Variants in DPH7 observed in about 807,000 individuals in gnomAD.
DPH7 encodes the protein diphthine methyltransferase.
DPH7 carries 44 observed loss-of-function variants against 41.7 expected under a neutral mutation model. The ratio of observed to expected loss-of-function variants is 1.05; its 90% CI spans 0.83 to 1.36. The LOEUF (loss-of-function observed/expected upper bound fraction) is 1.36, where lower values mean the gene tolerates loss of function less well. Ranked by LOEUF, DPH7 falls within the 40% of genes most tolerant of loss-of-function variation. DPH7 has a pLI of 0.00. For synonymous variants in DPH7, 275 were observed against 238.0 expected (o/e 1.16, Z -1.43); for missense variants, 629 against 577.5 (o/e 1.09, Z -0.91).
At chr9:137,575,355 T>G in intron 3 of DPH7, 3 of 988,358 alleles carry the variant, frequency 3.0e-6, no homozygotes, top group Admixed American at 6.0e-5. Flanking sequence ...GCCTGGCCAG[T>G]GCTTAACTCC....
chr9:137,577,053 C>CAAAA (rs71493678), intron 2 of DPH7, among the ~76,000 whole-genome samples: 7 of 139,286 alleles, frequency 5.0e-5, no homozygotes, highest in Non-Finnish European at 7.8e-5. Flanking sequence ...AACCCTGCCT[C>CAAAA]AAAAAAAAAA....
chr9:137,569,198 C>A (rs1184390474), intron 5 of DPH7, among the ~76,000 whole-genome samples: 1 of 151,960 alleles, frequency 6.6e-6, no homozygotes, highest in Non-Finnish European at 1.5e-5. Flanking sequence ...ACCACATCAC[C>A]CACCCCTGCA....
chr9:137,561,034 A>AAGAAAAG (rs1554792988), intron 8 of DPH7, among the ~76,000 whole-genome samples: 1,749 of 129,546 alleles, frequency 0.014, 41 homozygotes, highest in African/African-American at 0.051. Flanking sequence ...AAAAAAAAAA[A>AAGAAAAG]AAAAAAAGAA....
chr9:137,564,848 C>T, intron 7 of DPH7, 45 bp downstream of exon 7: 1 of 1,564,440 alleles, frequency 6.4e-7, no homozygotes, highest in Non-Finnish European at 8.7e-7. Context: ...CCCCCGGGGA[C>T]AGCGAAAGAG....
intron 8 of DPH7, among the ~76,000 whole-genome samples, chr9:137,564,176 T>C (rs1839128648): frequency 6.7e-6 from 1 of 149,244 alleles, no homozygotes; most frequent in South Asian, 2.1e-4. Context: ...GGGTCAGAGG[T>C]CTGCCGAAAT....
chr9:137,577,641 G>C (rs1841655308), intron 1 of DPH7, 38 bp from the exon 2 acceptor site: 1 of 1,602,300 alleles, frequency 6.2e-7, no homozygotes, highest in African/African-American at 1.3e-5. Flanking sequence ...ATTATCCCAA[G>C]ACACGAAGGA....
In DPH7 at chr9:137,574,755, C is replaced by A; in HGVS notation, c.464G>T (p.Gly155Val). The A allele has an allele frequency of 6.2e-7, 1 of 1,613,972 alleles. No homozygotes were observed. The highest frequency in any genetic ancestry group is 8.5e-7 in the Non-Finnish European group (1 of 1,179,980). Residue 155 changes from glycine to valine, a missense_variant, in exon 4 of 9, where the codon GGA becomes GTA. By Grantham distance (109) the Gly-to-Val change is moderately radical (BLOSUM62 -3). Coordinates refer to ENST00000277540, the MANE Select transcript of DPH7 (RefSeq NM_138778.5). Reference protein sequence around the residue: ...LSLDWSTGKTGRAGDQPLKII... With the variant: ...LSLDWSTGKTVRAGDQPLKII... ...CCTGACCAAGCCTGGCCCTTACCTT[C>A]CAGTTTTCCCAGTGGACCAATCTAG...
chr9:137,558,796 G>A (rs1415445213), intron 8 of DPH7, among the ~76,000 whole-genome samples: 2 of 152,102 alleles, frequency 1.3e-5, no homozygotes, highest in Non-Finnish European at 2.9e-5. Flanking sequence ...GCGCAGTGGC[G>A]TGATCTCGGC....
At position 137,578,823 on chromosome 9, in the gene DPH7, G is replaced by A. The variant is rs1342705850; in HGVS notation, c.-46C>T. The A allele has an allele frequency of 7.2e-7, 1 of 1,386,396 alleles. No homozygotes were observed. Among genetic ancestry groups the A allele is most frequent in the Admixed American group, 3.5e-5 (1 of 28,544 alleles). 85.9% of individuals were successfully genotyped at this position (1,386,396 alleles called of 1,614,324 possible). On this transcript the variant is annotated 5_prime_UTR_variant, in exon 1 of 9. Transcript: ENST00000277540. Reference sequence around the variant, plus strand: ...CGGAGCCGGCAGTAGAGGCGGGTCGGCGGGGCCGGGCTGGGTACTGCGCGG... The same window carrying A: ...CGGAGCCGGCAGTAGAGGCGGGTCGACGGGGCCGGGCTGGGTACTGCGCGG...
intron 1 of DPH7, 115 bp from the exon 2 acceptor site, chr9:137,577,718 T>C: frequency 1.5e-6 from 2 of 1,346,392 alleles, no homozygotes; most frequent in Non-Finnish European, 2.0e-6. Context: ...AGTGGAATTC[T>C]GCCTGGAAGG....
At chr9:137,572,758 A>C (rs540761433) in intron 5 of DPH7, among the ~76,000 whole-genome samples, 2 of 152,188 alleles carry the variant, frequency 1.3e-5, no homozygotes, top group Non-Finnish European at 2.9e-5. Flanking sequence ...GCATGCCCCA[A>C]ATGCAAACCA....
At chr9:137,565,180 C>T (rs747931939) in intron 5 of DPH7, 26 bp from the exon 6 acceptor site, 1 of 1,612,254 alleles carries the variant, frequency 6.2e-7, no homozygotes, top group East Asian at 2.2e-5. Flanking sequence ...GAAGCATCAA[C>T]ACCACTAATG....
Position 137,555,635 on chromosome 9 carries a change from C to G in DPH7, c.963G>C (p.Glu321Asp). ...NCQKAMEERQ[E>D]ATVLTSHTLP... ...ATGTGTGAGATGTCAGGACCGTCGC[C>G]TCCTGCCTCTCCTCTGGAGTGAGAG... The change falls in exon 9 of 9, where the codon GAG becomes GAC. Residue 321 changes from glutamate to aspartate, a missense_variant. Transcript: ENST00000277540. 1.9e-6 allele frequency: 3 copies of G among 1,598,576 alleles called. No homozygotes were observed. The highest frequency in any genetic ancestry group is 2.6e-6 in the Non-Finnish European group (3 of 1,170,312).
At chr9:137,565,056 G>A in intron 6 of DPH7, 29 bp downstream of exon 6, 1 of 1,613,602 alleles carries the variant, frequency 6.2e-7, no homozygotes, top group Non-Finnish European at 8.5e-7. Context: ...GCTGGTGTGG[G>A]CACCGAGTGC....
intron 1 of DPH7, chr9:137,578,225 T>C (rs1042781187): frequency 1.3e-5 from 2 of 153,792 alleles, no homozygotes; most frequent in Non-Finnish European, 2.9e-5. Context: ...AATGCAGTGG[T>C]GCGATCTCGG....
At position 137,574,828 on chromosome 9, in the gene DPH7, C is replaced by T; in HGVS notation, c.391G>A (p.Glu131Lys). Reference protein sequence around the residue: ...LVESEKSHVLEPLSSLALEEQ... With the variant: ...LVESEKSHVLKPLSSLALEEQ... The stretch of plus-strand genomic sequence containing the variant: ...TCCAGGGCAAGGCTGGACAATGGCT[C>T]CAGCACGTGGCTCTTCTACTGGAGA... Residue 131 changes from glutamate (E) to lysine (K), a missense_variant, in exon 4 of 9, where the codon GAG becomes AAG. Glu to Lys is a moderately conservative substitution (Grantham distance 56). Transcript: ENST00000277540. 1 of 1,614,010 alleles carries T rather than the reference C, an allele frequency of 6.2e-7. No individual in the cohort carries two copies.
chr9:137,569,999 C>A (rs1840144114), intron 5 of DPH7, among the ~76,000 whole-genome samples: 1 of 150,010 alleles, frequency 6.7e-6, no homozygotes, highest in African/African-American at 2.5e-5. Flanking sequence ...CATCCAGTCA[C>A]CCACCATCTA....
Position 137,578,919 on chromosome 9 carries a change from C to T in DPH7, c.-142G>A. 3.3e-6 allele frequency: 3 copies of T among 908,490 alleles called. No homozygotes were observed. The highest frequency in any genetic ancestry group is 4.4e-5 in the Admixed American group (1 of 22,962). 56.3% of individuals were successfully genotyped at this position (908,490 alleles called of 1,614,324 possible). A position where few individuals can be genotyped will look rare whatever the true frequency, so the allele number is the denominator to read the frequency against. ...CACCGTCAGCGCGGGCCGCCTCTCT[C>T]GCGACTCCTTCCGGGGTGCCGGGGC... On this transcript the variant is annotated 5_prime_UTR_variant, in exon 1 of 9. Transcript: ENST00000277540.
chr9:137,577,347 C>G, intron 2 of DPH7, 123 bp downstream of exon 2: 1 of 998,866 alleles, frequency 1.0e-6, no homozygotes, highest in South Asian at 1.6e-5. Flanking sequence ...ATAGGCGGGA[C>G]AGCAAAGAAA....
Sources: gnomAD v4.1 joint callset for allele counts (sites outside exome capture counted in the v4.1 genomes callset) on GRCh38, gnomAD v4.1.1 for gene constraint, MANE v1.5 for transcripts, NCBI Gene and HGNC (gene_info 2026-07-23, HGNC 2026-07-21) for gene names.